The following RORB variants were observed in gnomAD, a reference collection of about 807,000 sequenced individuals.
RORB encodes RAR related orphan receptor B, also known as nuclear receptor ROR-beta.
A neutral mutation model predicts 59.1 loss-of-function variants in RORB; 6 were observed. That is an observed-to-expected ratio of 0.10 (90% CI 0.06 to 0.20). RORB has a LOEUF of 0.20. Among genes scored for constraint, RORB ranks in the 10% least tolerant of loss-of-function variants. The probability of loss-of-function intolerance (pLI) is 1.00; values close to 1 mark genes in which losing one functional copy is unlikely to be tolerated. For missense variants in RORB, 320 were observed against 560.5 expected, an observed-to-expected ratio of 0.57 and a Z score of 4.33; for synonymous variants, 215 against 204.5, an observed-to-expected ratio of 1.05 and a Z score of -0.44.
intron 1 of RORB, among the ~76,000 whole-genome samples, chr9:74,563,434 T>A (rs1399507413): frequency 6.6e-6 from 1 of 152,216 alleles, no homozygotes; most frequent in Non-Finnish European, 1.5e-5. Flanking sequence ...TCCACCTGCC[T>A]TGGCCTCCCA....
chr9:74,660,605 CT>C lies in RORB; in HGVS notation c.638-8del. ...TATTCACAAACCTTTGAATTGATAT[CT>C]TTTCTCACAGACCGAATTGCACAGA... On this transcript the variant is annotated splice_polypyrimidine_tract_variant and intron_variant, in intron 4 of 9. Transcript: ENST00000376896. 1.2e-6 allele frequency: 2 copies of C among 1,602,492 alleles called. No individual in the cohort carries two copies. Among genetic ancestry groups the C allele is most frequent in the Non-Finnish European group, 1.7e-6 (2 of 1,175,868 alleles).
chr9:74,557,700 C>A (rs529612496), intron 1 of RORB, among the ~76,000 whole-genome samples: 3 of 152,028 alleles, frequency 2.0e-5, no homozygotes, highest in African/African-American at 7.2e-5. Flanking sequence ...AATTACGTAA[C>A]GGCCGAGGAC....
At chr9:74,637,345 C>T (rs1350421908) in intron 3 of RORB, among the ~76,000 whole-genome samples, 1 of 152,154 alleles carries the variant, frequency 6.6e-6, no homozygotes, top group Non-Finnish European at 1.5e-5. Flanking sequence ...TTCATTCTCT[C>T]CTGAAATTTC....
intron 1 of RORB, among the ~76,000 whole-genome samples, chr9:74,529,087 T>C (rs1826196169): frequency 6.6e-6 from 1 of 152,036 alleles, no homozygotes. Context: ...AGAGGAAATA[T>C]TATTGCAAGG....
chr9:74,633,386 G>T (rs962755059), intron 2 of RORB, among the ~76,000 whole-genome samples: 5 of 152,136 alleles, frequency 3.3e-5, no homozygotes, highest in Non-Finnish European at 7.4e-5. Flanking sequence ...AGGCTTCTCT[G>T]CAAGATAGGC....
intron 9 of RORB, among the ~76,000 whole-genome samples, chr9:74,675,532 G>A (rs750147438): frequency 6.6e-5 from 10 of 152,062 alleles, no homozygotes; most frequent in Admixed American, 1.3e-4. Flanking sequence ...GCCTTCCAAC[G>A]TCCAGTCCAG....
At chr9:74,554,227 C>T (rs544949009) in intron 1 of RORB, among the ~76,000 whole-genome samples, 1 of 152,224 alleles carries the variant, frequency 6.6e-6, no homozygotes, top group Admixed American at 6.5e-5. Context: ...TCCAGCTTAG[C>T]ATCAAAATCA....
intron 3 of RORB, among the ~76,000 whole-genome samples, chr9:74,640,404 C>T (rs1006373619): frequency 1.4e-4 from 21 of 151,496 alleles, no homozygotes; most frequent in African/African-American, 4.8e-4. Context: ...ACCACGCCCA[C>T]AAGCACATAC....
chr9:74,535,260 A>C (rs1826304990), intron 1 of RORB, among the ~76,000 whole-genome samples: 1 of 152,048 alleles, frequency 6.6e-6, no homozygotes, highest in Admixed American at 6.6e-5. Flanking sequence ...GGAGATGAAA[A>C]AACAAATCTT....
chr9:74,564,948 A>T (rs1822447385), intron 1 of RORB, among the ~76,000 whole-genome samples: 1 of 152,196 alleles, frequency 6.6e-6, no homozygotes, highest in African/African-American at 2.4e-5. Flanking sequence ...CTTTCTGCTT[A>T]CAACTTCTCA....
chr9:74,592,410 G>T (rs1049170813), intron 1 of RORB, among the ~76,000 whole-genome samples: 3 of 152,232 alleles, frequency 2.0e-5, no homozygotes, highest in Non-Finnish European at 2.9e-5. Flanking sequence ...AAGTACTTTG[G>T]AATATCGCCA....
chr9:74,606,991 G>A (rs1252879921), intron 1 of RORB, among the ~76,000 whole-genome samples: 1 of 152,080 alleles, frequency 6.6e-6, no homozygotes. Flanking sequence ...GAATGCTTTT[G>A]GTAGAAAATT....
intron 1 of RORB, among the ~76,000 whole-genome samples, chr9:74,530,913 T>G (rs1467404468): frequency 2.0e-5 from 3 of 151,750 alleles, no homozygotes; most frequent in Non-Finnish European, 4.4e-5. Context: ...GTGATGCTCC[T>G]CATCCTGTGT....
intron 4 of RORB, among the ~76,000 whole-genome samples, chr9:74,646,196 A>G (rs958830854): frequency 6.6e-6 from 1 of 152,108 alleles, no homozygotes; most frequent in African/African-American, 2.4e-5. Context: ...TCTGGATTCT[A>G]AGAGAATAAT....
intron 9 of RORB, among the ~76,000 whole-genome samples, chr9:74,680,407 T>C (rs1242685478): frequency 6.6e-6 from 1 of 152,150 alleles, no homozygotes; most frequent in Non-Finnish European, 1.5e-5. Flanking sequence ...TCTTGGCTCC[T>C]TAGGTTACTG....
intron 1 of RORB, among the ~76,000 whole-genome samples, chr9:74,535,320 G>C (rs921648076): frequency 5.3e-5 from 8 of 152,048 alleles, no homozygotes; most frequent in Non-Finnish European, 1.0e-4. Flanking sequence ...AGACTAAGCA[G>C]ATCTTTTTTC....
intron 1 of RORB, among the ~76,000 whole-genome samples, chr9:74,586,587 CAT>C (rs1335329950): frequency 7.7e-6 from 1 of 130,080 alleles, no homozygotes; most frequent in Non-Finnish European, 1.6e-5. Flanking sequence ...CAAATGAGTA[CAT>C]ATGTAATGTC....
chr9:74,569,996 A>T (rs1822527482), intron 1 of RORB, among the ~76,000 whole-genome samples: 2 of 152,168 alleles, frequency 1.3e-5, no homozygotes, highest in South Asian at 4.1e-4. Context: ...ATAACAGCAT[A>T]TCCATTTTAA....
intron 1 of RORB, among the ~76,000 whole-genome samples, chr9:74,621,125 C>T (rs10781243): frequency 0.76 from 115,984 of 152,016 alleles, 45,028 homozygotes; most frequent in East Asian, 0.93. Context: ...AATACTGATA[C>T]ATTATTATTA....
Sources: gnomAD v4.1 joint callset for allele counts (sites outside exome capture counted in the v4.1 genomes callset) on GRCh38, gnomAD v4.1.1 for gene constraint, MANE v1.5 for transcripts, NCBI Gene and HGNC (gene_info 2026-07-23, HGNC 2026-07-21) for gene names.